DHX35: variants seen among roughly 807,000 people sequenced by gnomAD.
DHX35 encodes probable ATP-dependent RNA helicase DHX35.
Under a neutral mutation model 99.6 loss-of-function variants are expected in DHX35, and 84 were observed. The ratio of observed to expected loss-of-function variants is 0.84; its 90% CI spans 0.71 to 1.01. The LOEUF (loss-of-function observed/expected upper bound fraction) is 1.01. DHX35 is among the 50% of genes least tolerant of loss of function. DHX35 has a pLI of 0.00. For synonymous variants in DHX35, 331 were observed against 316.2 expected (o/e 1.05, Z -0.50); for missense variants, 852 against 888.5 (o/e 0.96, Z 0.52).
At chr20:39,025,150 G>C in intron 17 of DHX35, 80 bp from the exon 18 acceptor site, 1 of 1,473,480 alleles carries the variant, frequency 6.8e-7, no homozygotes, top group Admixed American at 2.2e-5. Context: ...TGGGGGAAGA[G>C]AGAAGAATGA....
chr20:39,008,606 C>T (rs1378036422), intron 12 of DHX35, among the ~76,000 whole-genome samples: 2 of 152,200 alleles, frequency 1.3e-5, no homozygotes, highest in East Asian at 1.9e-4. Context: ...GCCTCTAGGC[C>T]TCCACAGGAG....
rs150842651 is a variant in DHX35, at chr20:39,027,610, C to T, written c.1802-808C>T. 5.1e-3 allele frequency among the ~76,000 whole-genome samples: 773 copies of T among 152,154 alleles called. 3 individuals are homozygous for T. Among genetic ancestry groups the T allele is most frequent in the African/African-American group, 0.018 (730 of 41,486 alleles). On this transcript the variant is annotated intron_variant, in intron 18 of 21. Transcript: ENST00000252011. Reference sequence around the variant, plus strand: ...ATTGTTGATGGCTTTGGAAATAGTACCACCTTTATGGAACTTACTTACCAA... The same window carrying T: ...ATTGTTGATGGCTTTGGAAATAGTATCACCTTTATGGAACTTACTTACCAA...
chr20:38,970,467 A>AT (rs2085977888), intron 2 of DHX35, among the ~76,000 whole-genome samples: 1 of 152,228 alleles, frequency 6.6e-6, no homozygotes, highest in Non-Finnish European at 1.5e-5. Context: ...CTTTCAGGAG[A>AT]TGAAATGATA....
intron 8 of DHX35, among the ~76,000 whole-genome samples, chr20:38,996,289 C>T (rs1360339726): frequency 6.6e-6 from 1 of 152,120 alleles, no homozygotes; most frequent in Non-Finnish European, 1.5e-5. Flanking sequence ...AATATAAGCT[C>T]CATGAAGATC....
intron 4 of DHX35, 73 bp downstream of exon 4, chr20:38,983,849 G>A: frequency 1.5e-6 from 2 of 1,326,412 alleles, no homozygotes; most frequent in African/African-American, 1.5e-5. Context: ...ATTTCCTAAA[G>A]GCTTTAAATG....
At chr20:38,985,673 A>G (rs955944776) in intron 4 of DHX35, among the ~76,000 whole-genome samples, 1 of 152,210 alleles carries the variant, frequency 6.6e-6, no homozygotes, top group South Asian at 2.1e-4. Flanking sequence ...TCACTAAAAG[A>G]TGACTCAGTT....
At chr20:39,035,410 C>T (rs1439802037) in intron 21 of DHX35, among the ~76,000 whole-genome samples, 2 of 152,162 alleles carry the variant, frequency 1.3e-5, no homozygotes, top group African/African-American at 4.8e-5. Flanking sequence ...CTGTTTGTGG[C>T]CTGAAAATAC....
At position 39,039,619 on chromosome 20, in the gene DHX35, C is replaced by T. The variant is rs915994423; in HGVS notation, c.*1076C>T. 3.3e-5 allele frequency: 5 copies of T among 152,250 alleles called. No individual in the cohort carries two copies. The East Asian group carries it at 7.7e-4, about 23-fold the overall frequency. The allele number at this position is 152,250 out of a possible 1,614,324, so 9.4% of individuals were successfully genotyped here. ...TGGATGTGCCACTTTTGGCACCAAA[C>T]GTGTATGTCATTTTTATTTCCATTT... On this transcript the variant is annotated 3_prime_UTR_variant, in exon 22 of 22. Coordinates refer to ENST00000252011, the MANE Select transcript of DHX35 (RefSeq NM_021931.4).
At chr20:38,969,270 T>G in intron 2 of DHX35, 56 bp downstream of exon 2, 1 of 1,555,202 alleles carries the variant, frequency 6.4e-7, no homozygotes, top group South Asian at 1.2e-5. Context: ...CTGCATTAGC[T>G]TTATGCTCAG....
intron 17 of DHX35, among the ~76,000 whole-genome samples, chr20:39,024,404 A>G (rs771758749): frequency 4.1e-4 from 63 of 152,282 alleles, no homozygotes; most frequent in Non-Finnish European, 7.8e-4. Flanking sequence ...CATTTCTTAA[A>G]TACTCTTTTA....
chr20:38,983,805 C>G (rs759793232), intron 4 of DHX35, 29 bp downstream of exon 4: 9 of 1,585,820 alleles, frequency 5.7e-6, no homozygotes, highest in Non-Finnish European at 6.0e-6. Flanking sequence ...TGGAAAGATT[C>G]TATCTGTGTT....
intron 1 of DHX35, 46 bp downstream of exon 1, chr20:38,962,453 C>T: frequency 1.9e-6 from 3 of 1,599,180 alleles, no homozygotes; most frequent in Admixed American, 1.7e-5. Flanking sequence ...GGCCTGACTT[C>T]GGTCTTGGCG....
intron 3 of DHX35, chr20:38,977,716 C>G: frequency 2.6e-6 from 1 of 385,906 alleles, no homozygotes; most frequent in East Asian, 5.5e-5. Context: ...ACTGTTGCTG[C>G]TTGCATTTTT....
At chr20:38,964,285 A>G (rs1302829121) in intron 1 of DHX35, among the ~76,000 whole-genome samples, 1 of 152,242 alleles carries the variant, frequency 6.6e-6, no homozygotes, top group African/African-American at 2.4e-5. Context: ...CAGAAAGCCA[A>G]AATAACAGAG....
intron 12 of DHX35, 29 bp downstream of exon 12, chr20:39,006,385 G>C (rs79495439): frequency 0.085 from 137,010 of 1,605,150 alleles, 6,553 homozygotes; most frequent in Middle Eastern, 0.11. Context: ...AAGGGTTTTT[G>C]ACTTTCTTAT....
At position 39,038,760 on chromosome 20, in the gene DHX35, T is replaced by C; in HGVS notation, c.*217T>C. On this transcript the variant is annotated 3_prime_UTR_variant, in exon 22 of 22. Transcript: ENST00000252011. ...GGACTTTGTGCATGGGCAGGCATCC[T>C]TCTGTGCTGCAGCGGGCAGAGTGGG... The C allele has an allele frequency of 1.7e-6, 1 of 592,534 alleles. No individual in the cohort carries two copies. The highest frequency in any genetic ancestry group is 2.0e-5 in the South Asian group (1 of 50,256). The allele number at this position is 592,534 out of a possible 1,614,324, so 36.7% of individuals were successfully genotyped here. A position where few individuals can be genotyped will look rare whatever the true frequency, so the allele number is the denominator to read the frequency against.
At chr20:39,028,610 AC>A in intron 19 of DHX35, 111 bp downstream of exon 19, 1 of 1,213,932 alleles carries the variant, frequency 8.2e-7, no homozygotes, top group Non-Finnish European at 1.2e-6. Flanking sequence ...TGTAATTTCT[AC>A]CATGTCTCCT....
chr20:38,974,405 A>G (rs781141228), intron 3 of DHX35, among the ~76,000 whole-genome samples: 1 of 152,184 alleles, frequency 6.6e-6, no homozygotes, highest in Non-Finnish European at 1.5e-5. Flanking sequence ...AATCTAATAG[A>G]TGGATATTTG....
In DHX35 at chr20:38,988,838, G is replaced by A. The variant is rs142319085; in HGVS notation, c.371G>A (p.Arg124Lys). The A allele has an allele frequency of 1.2e-6, 2 of 1,613,772 alleles. No individual in the cohort carries two copies. Among genetic ancestry groups the A allele is most frequent in the East Asian group, 2.2e-5 (1 of 44,856 alleles). ...VTVAGRVAEE[R>K]GAVLGHEVGY... is the part of the protein sequence containing the mutation. ...GTTGCAGGGAGAGTAGCTGAAGAAAGGGGTGCAGTGCTGGGCCACGAGGTG... is the reference window on the plus strand; with the variant it reads ...GTTGCAGGGAGAGTAGCTGAAGAAAAGGGTGCAGTGCTGGGCCACGAGGTG... Residue 124 changes from arginine to lysine, a missense_variant, in exon 5 of 22, where the codon AGG becomes AAG. Arg to Lys is a conservative substitution (Grantham distance 26). Coordinates refer to ENST00000252011, the MANE Select transcript of DHX35 (RefSeq NM_021931.4).
Sources: allele counts gnomAD v4.1 joint callset (sites outside exome capture counted in the v4.1 genomes callset), GRCh38; gene constraint gnomAD v4.1.1; transcripts MANE v1.5; gene names NCBI Gene and HGNC (gene_info 2026-07-23, HGNC 2026-07-21).